The following TMEM132D variants were observed in gnomAD, a reference collection of about 807,000 sequenced individuals.
The protein encoded by TMEM132D is mature OL transmembrane protein.
A neutral mutation model predicts 62.3 loss-of-function variants in TMEM132D; 21 were observed. That is an observed-to-expected ratio of 0.34 (90% CI 0.24 to 0.49). The LOEUF is 0.49. TMEM132D is among the 20% of genes least tolerant of loss of function. The pLI is 0.99. For missense variants in TMEM132D, 1,346 were observed against 1,402.8 expected, an observed-to-expected ratio of 0.96 and a Z score of 0.65; for synonymous variants, 621 against 575.6, an observed-to-expected ratio of 1.08 and a Z score of -1.13.
At chr12:129,424,438 TTC>T (rs1872428302) in intron 3 of TMEM132D, among the ~76,000 whole-genome samples, 1 of 152,196 alleles carries the variant, frequency 6.6e-6, no homozygotes, top group African/African-American at 2.4e-5. Context: ...GCAGGATGCT[TTC>T]TGTTTTCAAA....
intron 4 of TMEM132D, among the ~76,000 whole-genome samples, chr12:129,292,427 A>G (rs1001472830): frequency 6.6e-6 from 1 of 152,226 alleles, no homozygotes; most frequent in African/African-American, 2.4e-5. Context: ...TTCATTGCTA[A>G]TCAAATCACA....
chr12:129,814,294 T>C (rs988516092), intron 1 of TMEM132D, among the ~76,000 whole-genome samples: 8 of 152,230 alleles, frequency 5.3e-5, no homozygotes, highest in African/African-American at 1.4e-4. Context: ...GTAAGTTATA[T>C]AGGCATATTT....
At chr12:129,149,327 T>C (rs566510439) in intron 5 of TMEM132D, among the ~76,000 whole-genome samples, 83 of 152,094 alleles carry the variant, frequency 5.5e-4, no homozygotes, top group African/African-American at 2.0e-3. Context: ...CACACCACCA[T>C]GGCGCAGGTA....
intron 5 of TMEM132D, among the ~76,000 whole-genome samples, chr12:129,135,929 C>T (rs903587450): frequency 5.9e-5 from 9 of 152,122 alleles, no homozygotes; most frequent in African/African-American, 2.2e-4. Context: ...TAAGGGCCCA[C>T]CTTATTGCAG....
intron 5 of TMEM132D, among the ~76,000 whole-genome samples, chr12:129,143,924 C>CT (rs1468701270): frequency 6.7e-6 from 1 of 149,284 alleles, no homozygotes; most frequent in African/African-American, 2.6e-5. Context: ...ACCACAATGA[C>CT]CCTGCTCACT....
Position 129,153,244 on chromosome 12 carries a change from A to G in TMEM132D, c.1443+56276T>C, listed in dbSNP as rs114494465. Reference sequence around the variant, plus strand: ...GCCAGACACTGGGAGGAAAGGAGTCAGCCGCGATAGAATGCAGTAGCCGCA... The same window carrying G: ...GCCAGACACTGGGAGGAAAGGAGTCGGCCGCGATAGAATGCAGTAGCCGCA... On this transcript the variant is annotated intron_variant, in intron 5 of 8. Transcript: ENST00000422113. Among the ~76,000 whole-genome samples the G allele has an allele frequency of 6.3e-3, 961 of 152,302 alleles. 10 individuals are homozygous for G. The highest frequency in any genetic ancestry group is 0.021 in the African/African-American group (874 of 41,552).
chr12:129,265,579 C>T (rs1880666157), intron 4 of TMEM132D, among the ~76,000 whole-genome samples: 1 of 152,112 alleles, frequency 6.6e-6, no homozygotes, highest in Non-Finnish European at 1.5e-5. Context: ...CACGGAGGGT[C>T]CTGCCGTTCG....
chr12:129,095,018 A>G (rs1447145731), intron 5 of TMEM132D, among the ~76,000 whole-genome samples: 1 of 121,028 alleles, frequency 8.3e-6, no homozygotes, highest in Non-Finnish European at 1.6e-5. Context: ...AACATCACAC[A>G]CCAGGGCCTG....
chr12:129,798,491 TA>T (rs1871631119), intron 1 of TMEM132D, among the ~76,000 whole-genome samples: 2 of 152,172 alleles, frequency 1.3e-5, no homozygotes, highest in Admixed American at 6.5e-5. Context: ...TAAACTTAAC[TA>T]TATGAAATCA....
chr12:129,288,812 A>G (rs1433065466), intron 4 of TMEM132D, among the ~76,000 whole-genome samples: 2 of 152,228 alleles, frequency 1.3e-5, no homozygotes, highest in Admixed American at 6.5e-5. Flanking sequence ...ACAATAGCCA[A>G]GGCATGGAAA....
chr12:129,604,559 A>G (rs1434376951), intron 2 of TMEM132D, among the ~76,000 whole-genome samples: 4 of 152,146 alleles, frequency 2.6e-5, no homozygotes, highest in Admixed American at 2.6e-4. Flanking sequence ...TTAATTCAGA[A>G]CACTACAGAT....
At chr12:129,122,403 C>T (rs139607380) in intron 5 of TMEM132D, among the ~76,000 whole-genome samples, 7 of 152,326 alleles carry the variant, frequency 4.6e-5, no homozygotes, top group African/African-American at 1.4e-4. Context: ...TAACATTCAA[C>T]GCTTACAACC....
chr12:129,279,647 C>G (rs1222361204), intron 4 of TMEM132D, among the ~76,000 whole-genome samples: 3 of 151,884 alleles, frequency 2.0e-5, no homozygotes, highest in African/African-American at 7.3e-5. Flanking sequence ...AGGGAATACA[C>G]CCATTGGCAA....
intron 2 of TMEM132D, among the ~76,000 whole-genome samples, chr12:129,655,213 C>T (rs1880041352): frequency 6.8e-6 from 1 of 147,342 alleles, no homozygotes; most frequent in Non-Finnish European, 1.5e-5. Flanking sequence ...TCCCAAAGTG[C>T]TGGGAGTACA....
chr12:129,633,298 A>G (rs987204223), intron 2 of TMEM132D, among the ~76,000 whole-genome samples: 1 of 152,192 alleles, frequency 6.6e-6, no homozygotes, highest in Non-Finnish European at 1.5e-5. Flanking sequence ...TTCAAGATAC[A>G]TTGTTTCCAA....
At chr12:129,172,654 C>T (rs1163991298) in intron 5 of TMEM132D, among the ~76,000 whole-genome samples, 5 of 152,202 alleles carry the variant, frequency 3.3e-5, no homozygotes, top group African/African-American at 1.2e-4. Flanking sequence ...TCTTGGCTCA[C>T]TGCAACCTCT....
At chr12:129,250,867 G>A (rs538727341) in intron 4 of TMEM132D, among the ~76,000 whole-genome samples, 5 of 152,256 alleles carry the variant, frequency 3.3e-5, no homozygotes, top group African/African-American at 1.2e-4. Flanking sequence ...CCATGCCCAG[G>A]ATTTCCTTGT....
intron 5 of TMEM132D, among the ~76,000 whole-genome samples, chr12:129,140,637 G>A (rs1301551965): frequency 6.6e-6 from 1 of 151,970 alleles, no homozygotes; most frequent in African/African-American, 2.4e-5. Flanking sequence ...TCAGGAGTTC[G>A]AGACCAGCCT....
intron 4 of TMEM132D, among the ~76,000 whole-genome samples, chr12:129,223,551 C>T (rs1258690394): frequency 6.6e-6 from 1 of 152,098 alleles, no homozygotes; most frequent in Non-Finnish European, 1.5e-5. Context: ...CTGTAGACCC[C>T]CGGAGCCATA....
Sources: gnomAD v4.1 joint callset for allele counts (sites outside exome capture counted in the v4.1 genomes callset) on GRCh38, gnomAD v4.1.1 for gene constraint, MANE v1.5 for transcripts, NCBI Gene and HGNC (gene_info 2026-07-23, HGNC 2026-07-21) for gene names.